Variants in NYAP2 observed in about 807,000 individuals in gnomAD.
The protein encoded by NYAP2 is neuronal tyrosine-phosphorylated phosphoinositide-3-kinase adaptor 2, also known as neuronal tyrosine-phosphorylated phosphoinositide-3-kinase adapter 2.
Under a neutral mutation model 50.4 loss-of-function variants are expected in NYAP2, and 23 were observed. The observed-to-expected ratio is 0.46, with a 90% confidence interval of 0.33 to 0.65. NYAP2 has a LOEUF of 0.65. Among genes scored for constraint, NYAP2 ranks in the 30% least tolerant of loss-of-function variants. NYAP2 has a pLI of 0.02. For missense variants in NYAP2, 885 were observed against 861.0 expected (o/e 1.03, Z -0.35); for synonymous variants, 394 against 365.2 (o/e 1.08, Z -0.90).
chr2:225,466,360 G>T (rs554864084), intron 3 of NYAP2, among the ~76,000 whole-genome samples: 4 of 152,152 alleles, frequency 2.6e-5, no homozygotes, highest in African/African-American at 7.2e-5. Context: ...TTTCTTCAGG[G>T]TTTAGAAAGT....
intron 5 of NYAP2, among the ~76,000 whole-genome samples, chr2:225,622,942 T>C (rs971495766): frequency 2.6e-5 from 4 of 152,226 alleles, no homozygotes; most frequent in African/African-American, 9.6e-5. Flanking sequence ...TAAAAATGTC[T>C]ATAAATACTT....
At chr2:225,589,894 C>T (rs1439232802) in intron 5 of NYAP2, among the ~76,000 whole-genome samples, 1 of 152,052 alleles carries the variant, frequency 6.6e-6, no homozygotes, top group African/African-American at 2.4e-5. Context: ...AGAGAATCCT[C>T]AGCCTGTGAC....
chr2:225,582,532 T>C lies in NYAP2; in HGVS notation c.1115T>C (p.Met372Thr), dbSNP rs748212109. 1 of 1,530,912 alleles carries C rather than the reference T, an allele frequency of 6.5e-7. No homozygotes were observed. The highest frequency in any genetic ancestry group is 8.8e-7 in the Non-Finnish European group (1 of 1,132,870). The allele number at this position is 1,530,912 out of a possible 1,614,324, so 94.8% of individuals were successfully genotyped here. The change falls in exon 5 of 7, where the codon ATG (methionine) becomes ACG (threonine). Residue 372 changes from methionine to threonine, a missense_variant. Transcript: ENST00000636099. This position sits in a 1 kb window ranked among gnomAD's most constrained non-coding sequence, Gnocchi z 7.0. ...CCCGTGCTGGAAAACGTGTCTTACA[T>C]GAAACAGCCAGCCGGGGCGTCGCCC...
chr2:225,606,016 G>A (rs541225318), intron 5 of NYAP2, among the ~76,000 whole-genome samples: 12 of 152,146 alleles, frequency 7.9e-5, no homozygotes, highest in Admixed American at 7.2e-4. Context: ...TTTTTTGAAA[G>A]ATCCCATTTC....
At chr2:225,519,221 A>C (rs549064142) in intron 4 of NYAP2, among the ~76,000 whole-genome samples, 1 of 152,016 alleles carries the variant, frequency 6.6e-6, no homozygotes, top group East Asian at 1.9e-4. Flanking sequence ...ATATGATATT[A>C]ACATAGTATT....
At chr2:225,554,221 G>A (rs1004826331) in intron 4 of NYAP2, among the ~76,000 whole-genome samples, 2 of 111,778 alleles carry the variant, frequency 1.8e-5, no homozygotes, top group African/African-American at 3.3e-5. Flanking sequence ...TTTTTTTTTT[G>A]CTTCTTTTCT....
chr2:225,550,579 T>C (rs1026563964), intron 4 of NYAP2, among the ~76,000 whole-genome samples: 2 of 151,982 alleles, frequency 1.3e-5, no homozygotes, highest in Non-Finnish European at 2.9e-5. Context: ...TAAAAAGAAG[T>C]AGGGAAATGG....
At chr2:225,621,168 G>T (rs953798527) in intron 5 of NYAP2, among the ~76,000 whole-genome samples, 1 of 151,014 alleles carries the variant, frequency 6.6e-6, no homozygotes, top group African/African-American at 2.4e-5. Context: ...TAGATGGGTC[G>T]TTAGGCTTTG....
intron 3 of NYAP2, among the ~76,000 whole-genome samples, chr2:225,431,877 A>G (rs1689265324): frequency 6.6e-6 from 1 of 152,260 alleles, no homozygotes; most frequent in Non-Finnish European, 1.5e-5. Flanking sequence ...CATCAGACTT[A>G]CATGACGTGT....
chr2:225,666,242 A>G, the NYAP2 span, among the ~76,000 whole-genome samples: 1 of 152,138 alleles, frequency 6.6e-6, no homozygotes, highest in Non-Finnish European at 1.5e-5. Context: ...ACCACCAAGC[A>G]AACACCAATA....
chr2:225,702,127 G>C, the NYAP2 span: 76 of 151,792 alleles, frequency 5.0e-4, 2 homozygotes, highest in Admixed American at 5.0e-3. Context: ...TCCGAGATGA[G>C]AGGGAATTCA....
At chr2:225,434,208 C>A (rs147553119) in intron 3 of NYAP2, among the ~76,000 whole-genome samples, 26 of 152,292 alleles carry the variant, frequency 1.7e-4, no homozygotes, top group Middle Eastern at 3.4e-3. Context: ...AGATTGGGAG[C>A]TGTCCAGCGG....
chr2:225,487,727 C>T (rs1381231503), intron 3 of NYAP2, among the ~76,000 whole-genome samples: 1 of 152,168 alleles, frequency 6.6e-6, no homozygotes, highest in Non-Finnish European at 1.5e-5. Flanking sequence ...TTTATCCATA[C>T]AACACAGACA....
intron 5 of NYAP2, among the ~76,000 whole-genome samples, chr2:225,600,431 G>C (rs1197926531): frequency 1.3e-5 from 2 of 152,174 alleles, no homozygotes; most frequent in Non-Finnish European, 2.9e-5. Context: ...TAATTTGTTA[G>C]TCCTACAAAG....
At chr2:225,620,461 GCGCATGCA>G (rs1693078056) in intron 5 of NYAP2, among the ~76,000 whole-genome samples, 2 of 135,788 alleles carry the variant, frequency 1.5e-5, no homozygotes, top group East Asian at 2.2e-4. Context: ...ACGCACACAC[GCGCATGCA>G]CACGCACACG....
Position 225,486,123 on chromosome 2 carries a change from G to A in NYAP2, c.222-27248G>A, listed in dbSNP as rs115105838. Among the ~76,000 whole-genome samples, 731 of 152,228 alleles carry A rather than the reference G, an allele frequency of 4.8e-3. 4 individuals carry two copies. Among genetic ancestry groups the A allele is most frequent in the African/African-American group, 0.016 (676 of 41,548 alleles). ...GGCCACCCACCCTTGAGCAAGGTGCGTGGTGCCCTGGCTGGAATAGCCATT... is the reference window on the plus strand; with the variant it reads ...GGCCACCCACCCTTGAGCAAGGTGCATGGTGCCCTGGCTGGAATAGCCATT... On this transcript the variant is annotated intron_variant, in intron 3 of 6. Coordinates refer to ENST00000636099, the Ensembl canonical transcript of NYAP2.
intron 3 of NYAP2, among the ~76,000 whole-genome samples, chr2:225,435,905 TC>T: frequency 6.6e-6 from 1 of 152,322 alleles, no homozygotes; most frequent in East Asian, 1.9e-4. Context: ...TTCTTCAACA[TC>T]AATTTGCTCA....
chr2:225,608,394 C>T (rs1420203263), intron 5 of NYAP2, among the ~76,000 whole-genome samples: 1 of 152,072 alleles, frequency 6.6e-6, no homozygotes, highest in African/African-American at 2.4e-5. Flanking sequence ...CCTTCTGGTG[C>T]CTCTCATACA....
intron 5 of NYAP2, among the ~76,000 whole-genome samples, chr2:225,619,554 C>T (rs941762851): frequency 5.9e-5 from 9 of 152,106 alleles, no homozygotes; most frequent in Non-Finnish European, 1.2e-4. Flanking sequence ...GGGGTCAGAC[C>T]TAGCGGTAAA....
Sources: allele counts gnomAD v4.1 joint callset (sites outside exome capture counted in the v4.1 genomes callset), GRCh38; gene constraint gnomAD v4.1.1; non-coding constraint Gnocchi (gnomAD v3.1); transcripts MANE v1.5; gene names NCBI Gene and HGNC (gene_info 2026-07-23, HGNC 2026-07-21).